The following LMCD1 variants were observed in gnomAD, a reference collection of about 807,000 sequenced individuals.
The protein encoded by LMCD1 is LIM and cysteine rich domains 1.
In LMCD1, 32 loss-of-function variants were observed where a neutral mutation model predicts 42.7. That is an observed-to-expected ratio of 0.75 (90% CI 0.57 to 1.01). The LOEUF is 1.01. Among genes scored for constraint, LMCD1 ranks in the 50% least tolerant of loss-of-function variants. The pLI is 0.00. For missense variants in LMCD1, 458 were observed against 483.1 expected (o/e 0.95, Z 0.49); for synonymous variants, 178 against 184.9 (o/e 0.96, Z 0.30).
At chr3:8,539,038 G>A (rs1298774248) in intron 3 of LMCD1, among the ~76,000 whole-genome samples, 1 of 152,304 alleles carries the variant, frequency 6.6e-6, no homozygotes, top group East Asian at 1.9e-4. Flanking sequence ...GATGGGATGA[G>A]AACTCATATC....
chr3:8,502,692 G>A (rs548850795), intron 1 of LMCD1, among the ~76,000 whole-genome samples: 2 of 151,566 alleles, frequency 1.3e-5, no homozygotes, highest in African/African-American at 2.4e-5. Context: ...GGGTCTGCAC[G>A]TTTCCCTTAC....
Position 8,570,529 on chromosome 3 carries a change from G to C in LMCD1, c.*2931G>C, listed in dbSNP as rs1368603176. ...ACCCACCCTTGCATTTGGAGCACCT[G>C]AATCATCTCTGCCACTTGCCTTCAT... On this transcript the variant is annotated 3_prime_UTR_variant, in exon 6 of 6. Coordinates refer to ENST00000157600, the MANE Select transcript of LMCD1 (RefSeq NM_014583.4). 6.6e-6 allele frequency: 1 copy of C among 152,532 alleles called. No individual in the cohort carries two copies. Among genetic ancestry groups the C allele is most frequent in the African/African-American group, 2.4e-5 (1 of 41,446 alleles). 9.4% of individuals were successfully genotyped at this position (152,532 alleles called of 1,614,324 possible). A position where few individuals can be genotyped will look rare whatever the true frequency, so the allele number is the denominator to read the frequency against.
intron 4 of LMCD1, among the ~76,000 whole-genome samples, chr3:8,565,135 C>T (rs887043870): frequency 6.6e-6 from 1 of 152,140 alleles, no homozygotes; most frequent in Admixed American, 6.5e-5. Flanking sequence ...CTATTACCCA[C>T]ATGAACAAAA....
intron 4 of LMCD1, among the ~76,000 whole-genome samples, chr3:8,557,117 C>T (rs751031388): frequency 5.9e-5 from 9 of 152,174 alleles, no homozygotes; most frequent in African/African-American, 2.2e-4. Flanking sequence ...TGACCCAAAC[C>T]GTTGCCTACC....
intron 1 of LMCD1, among the ~76,000 whole-genome samples, chr3:8,529,279 ACAGT>A (rs537104385): frequency 6.6e-6 from 1 of 152,212 alleles, no homozygotes; most frequent in Non-Finnish European, 1.5e-5. Context: ...ATTGCATTAA[ACAGT>A]CAGCCAGGAA....
intron 1 of LMCD1, among the ~76,000 whole-genome samples, chr3:8,526,521 T>C (rs1694304361): frequency 6.6e-6 from 1 of 152,184 alleles, no homozygotes; most frequent in Non-Finnish European, 1.5e-5. Flanking sequence ...AGTTAACTCA[T>C]ATGCAACCTA....
intron 1 of LMCD1, among the ~76,000 whole-genome samples, chr3:8,517,365 A>G (rs1329435159): frequency 6.6e-6 from 1 of 152,266 alleles, no homozygotes; most frequent in African/African-American, 2.4e-5. Context: ...TGTCCCCAAG[A>G]TATCGTATTA....
chr3:8,541,442 G>C (rs370726625), intron 3 of LMCD1, among the ~76,000 whole-genome samples: 111 of 152,282 alleles, frequency 7.3e-4, no homozygotes, highest in African/African-American at 2.6e-3. Flanking sequence ...CCAGCTACTT[G>C]GGAGGCTGAG....
chr3:8,541,279 G>C (rs368129971), intron 3 of LMCD1, among the ~76,000 whole-genome samples: 1 of 152,210 alleles, frequency 6.6e-6, no homozygotes, highest in Admixed American at 6.5e-5. Flanking sequence ...GCCAGGTGCA[G>C]TGGCTCGCAC....
At chr3:8,560,828 TG>T (rs1695021412) in intron 4 of LMCD1, among the ~76,000 whole-genome samples, 1 of 152,158 alleles carries the variant, frequency 6.6e-6, no homozygotes, top group Non-Finnish European at 1.5e-5. Flanking sequence ...CACTCATTCT[TG>T]GGGGTGTAAC....
rs996749085 is a variant in LMCD1, at chr3:8,572,499, C to T, written c.*4901C>T. On this transcript the variant is annotated 3_prime_UTR_variant, in exon 6 of 6. Transcript: ENST00000157600. ...CATTCTTAGTATTCATTGACGTTTA[C>T]TGATCGAACTAATTATTATTATGAT... is the stretch of plus-strand genomic sequence containing the variant. The T allele has an allele frequency of 1.3e-5, 2 of 152,170 alleles. No individual in the cohort carries two copies. The highest frequency in any genetic ancestry group is 1.5e-5 in the Non-Finnish European group (1 of 68,032). The allele number at this position is 152,170 out of a possible 1,614,324, so 9.4% of individuals were successfully genotyped here. A position where few individuals can be genotyped will look rare whatever the true frequency, so the allele number is the denominator to read the frequency against.
chr3:8,511,492 G>A (rs1469983813), intron 1 of LMCD1, among the ~76,000 whole-genome samples: 1 of 152,200 alleles, frequency 6.6e-6, no homozygotes, highest in Non-Finnish European at 1.5e-5. Flanking sequence ...GTACATGTGT[G>A]GGACTGAGAG....
intron 1 of LMCD1, among the ~76,000 whole-genome samples, chr3:8,503,608 C>T (rs1381492426): frequency 6.6e-6 from 1 of 152,210 alleles, no homozygotes; most frequent in Non-Finnish European, 1.5e-5. Context: ...GAACATAGCA[C>T]ACCATGCCAC....
intron 3 of LMCD1, among the ~76,000 whole-genome samples, chr3:8,543,428 TAGATAGATAGATAGAC>T (rs879822964): frequency 0.037 from 4,565 of 123,614 alleles, 75 homozygotes; most frequent in South Asian, 0.1. Context: ...GATAGATAGA[TAGATAGATAGATAGAC>T]AGACAGACAG....
intron 1 of LMCD1, among the ~76,000 whole-genome samples, chr3:8,529,519 G>A (rs1694365669): frequency 6.6e-6 from 1 of 152,194 alleles, no homozygotes; most frequent in African/African-American, 2.4e-5. Flanking sequence ...CTTTGTGCTT[G>A]TTGAGATTTT....
At chr3:8,534,824 G>A (rs898813959) in intron 2 of LMCD1, among the ~76,000 whole-genome samples, 12 of 152,184 alleles carry the variant, frequency 7.9e-5, no homozygotes, top group African/African-American at 2.9e-4. Flanking sequence ...GGTGGGGTGA[G>A]AGGGGTGGAT....
chr3:8,527,889 C>G (rs963056488), intron 1 of LMCD1, among the ~76,000 whole-genome samples: 6 of 152,146 alleles, frequency 3.9e-5, no homozygotes, highest in African/African-American at 1.4e-4. Flanking sequence ...GTTTAAAAAG[C>G]GCTTGAGGAG....
chr3:8,515,689 G>A (rs897974498), intron 1 of LMCD1, among the ~76,000 whole-genome samples: 13 of 152,118 alleles, frequency 8.5e-5, no homozygotes, highest in Non-Finnish European at 5.9e-5. Flanking sequence ...AATAGGAGAC[G>A]GAAAGGCATC....
chr3:8,567,375 T>C, intron 5 of LMCD1, 65 bp from the exon 6 acceptor site: 2 of 1,550,028 alleles, frequency 1.3e-6, no homozygotes, highest in Non-Finnish European at 1.8e-6. Flanking sequence ...TAACTTGTCC[T>C]AGATATACCG....
Sources: allele counts gnomAD v4.1 joint callset (sites outside exome capture counted in the v4.1 genomes callset), GRCh38; gene constraint gnomAD v4.1.1; transcripts MANE v1.5; gene names NCBI Gene and HGNC (gene_info 2026-07-23, HGNC 2026-07-21).